TOGARAM1: variants seen among roughly 807,000 people sequenced by gnomAD.
TOGARAM1 encodes TOG array regulator of axonemal microtubules 1.
A neutral mutation model predicts 166.6 loss-of-function variants in TOGARAM1; 100 were observed. That is an observed-to-expected ratio of 0.60 (90% confidence interval 0.51 to 0.71). The LOEUF (loss-of-function observed/expected upper bound fraction) is 0.71. Ranked by LOEUF, TOGARAM1 falls within the 30% of genes least tolerant of loss-of-function variation. TOGARAM1 has a pLI of 0.00. For synonymous variants in TOGARAM1, 758 were observed against 763.8 expected, an observed-to-expected ratio of 0.99 and a Z score of 0.13; for missense variants, 2,029 against 2,102.7, an observed-to-expected ratio of 0.96 and a Z score of 0.69.
At chr14:45,045,541 GTGTATATATA>G (rs72363108) in intron 13 of TOGARAM1, among the ~76,000 whole-genome samples, 7,650 of 50,062 alleles carry the variant, frequency 0.15, 1,047 homozygotes, top group East Asian at 0.25. Context: ...TGGTCTGTGT[GTGTATATATA>G]TATATATATA....
At chr14:44,967,558 A>G (rs912461370) in intron 1 of TOGARAM1, among the ~76,000 whole-genome samples, 1 of 152,212 alleles carries the variant, frequency 6.6e-6, no homozygotes, top group Non-Finnish European at 1.5e-5. Context: ...GGAGCTTGCT[A>G]AGTGTGGATA....
intron 12 of TOGARAM1, 55 bp downstream of exon 12, chr14:45,043,846 T>TA: frequency 9.8e-7 from 1 of 1,018,060 alleles, no homozygotes; most frequent in Non-Finnish European, 1.5e-6. Flanking sequence ...AGGATAAATA[T>TA]GCTATGTTTA....
At chr14:45,030,877 T>C (rs143082021) in intron 10 of TOGARAM1, among the ~76,000 whole-genome samples, 2,934 of 152,310 alleles carry the variant, frequency 0.019, 32 homozygotes, top group African/African-American at 0.039. Flanking sequence ...TCTTAGTCTC[T>C]GTAAAATGCA....
intron 1 of TOGARAM1, 107 bp downstream of exon 1, chr14:44,964,574 G>C (rs1885409158): frequency 1.6e-6 from 2 of 1,269,884 alleles, no homozygotes; most frequent in Non-Finnish European, 2.1e-6. Flanking sequence ...GTTATGCTTT[G>C]TTTTAAATTG....
chr14:45,015,478 A>G (rs1346110704), intron 7 of TOGARAM1, among the ~76,000 whole-genome samples: 2 of 151,690 alleles, frequency 1.3e-5, no homozygotes, highest in African/African-American at 2.4e-5. Context: ...TTATGGTTGT[A>G]ATAGCTGCAG....
intron 14 of TOGARAM1, among the ~76,000 whole-genome samples, chr14:45,051,814 C>A (rs577287629): frequency 6.6e-6 from 1 of 152,054 alleles, no homozygotes; most frequent in African/African-American, 2.4e-5. Flanking sequence ...CCTGCCTTGG[C>A]CTCCCAAAGT....
At position 45,073,696 on chromosome 14, in the gene TOGARAM1, A is replaced by G. The variant is rs767890201; in HGVS notation, c.*135A>G. The G allele has an allele frequency of 6.4e-5, 48 of 753,394 alleles. No individual in the cohort carries two copies. Among genetic ancestry groups the G allele is most frequent in the Non-Finnish European group, 9.1e-5 (43 of 473,502 alleles). 46.7% of individuals were successfully genotyped at this position (753,394 alleles called of 1,614,324 possible). A position where few individuals can be genotyped will look rare whatever the true frequency, so the allele number is the denominator to read the frequency against. ...CAATGGCTATTTTTATTTGCAGCCT[A>G]TGAGTACACATCTGTCCTATATCAA... On this transcript the variant is annotated 3_prime_UTR_variant, in exon 20 of 20. Coordinates refer to ENST00000361462, the MANE Select transcript of TOGARAM1 (RefSeq NM_001308120.2).
chr14:44,994,563 C>T (rs1887325084), intron 1 of TOGARAM1, among the ~76,000 whole-genome samples: 1 of 149,662 alleles, frequency 6.7e-6, no homozygotes, highest in South Asian at 2.1e-4. Context: ...GGACGACAGG[C>T]ACATGCCACC....
intron 1 of TOGARAM1, among the ~76,000 whole-genome samples, chr14:44,969,162 T>A (rs201170442): frequency 1.5e-5 from 2 of 134,598 alleles, no homozygotes; most frequent in African/African-American, 6.8e-5. Context: ...TTCTTTCTTT[T>A]CTTTCTTTTC....
chr14:44,978,835 A>T (rs1886362710), intron 1 of TOGARAM1, among the ~76,000 whole-genome samples: 1 of 151,806 alleles, frequency 6.6e-6, no homozygotes, highest in African/African-American at 2.4e-5. Context: ...AAAGAAGAAG[A>T]AGATCAAGAG....
chr14:45,023,174 T>C (rs752599523), intron 7 of TOGARAM1, among the ~76,000 whole-genome samples: 21 of 152,178 alleles, frequency 1.4e-4, no homozygotes, highest in Non-Finnish European at 2.8e-4. Flanking sequence ...TCCATCAGTA[T>C]ACAAGTTGAG....
chr14:45,011,213 G>A (rs1298818765), intron 6 of TOGARAM1, among the ~76,000 whole-genome samples: 1 of 152,192 alleles, frequency 6.6e-6, no homozygotes, highest in Non-Finnish European at 1.5e-5. Context: ...CTTACTCATT[G>A]CTGATCTCTT....
rs367642428 is a variant in TOGARAM1, at chr14:44,963,730, A to G, written c.1309A>G (p.Ile437Val). The part of the protein sequence containing the change: ...EQVQQFLGPV[I>V]AASVKVLADN... ...GGTACAGCAGTTCTTGGGACCAGTT[A>G]TAGCAGCTTCTGTCAAAGTGCTGGC... Residue 437 changes from isoleucine (I) to valine (V), a missense_variant, in exon 1 of 20, where the codon ATA becomes GTA. Around this residue, in one of 2 missense-constraint regions of TOGARAM1, gnomAD observed 1,453 missense variants for 1,432.2 expected, o/e 1.01. Coordinates refer to ENST00000361462, the MANE Select transcript of TOGARAM1 (RefSeq NM_001308120.2). The G allele has an allele frequency of 7.4e-6, 12 of 1,613,934 alleles. No individual in the cohort carries two copies. In the African/African-American group the frequency reaches 1.1e-4, roughly 14 times the overall value.
In TOGARAM1 at chr14:44,963,603, C is replaced by G. The variant is rs750156929; in HGVS notation, c.1182C>G (p.Gly394=). 7 of 1,613,400 alleles carry G rather than the reference C, an allele frequency of 4.3e-6. No individual in the cohort carries two copies. Among genetic ancestry groups the G allele is most frequent in the Non-Finnish European group, 5.1e-6 (6 of 1,179,864 alleles). Residue 394 remains glycine, a synonymous_variant, in exon 1 of 20, where the codon GGC becomes GGG. Coordinates refer to ENST00000361462, the MANE Select transcript of TOGARAM1 (RefSeq NM_001308120.2). The part of the protein sequence containing the change: ...PSSTPHSSLV[G]FISLLYNLLD... ...CTACTCCTCATTCTAGTCTTGTTGGCTTCATTAGTTTGCTATATAATTTGT... is the reference window on the plus strand; with the variant it reads ...CTACTCCTCATTCTAGTCTTGTTGGGTTCATTAGTTTGCTATATAATTTGT...
chr14:44,973,504 T>G (rs941596245), intron 1 of TOGARAM1, among the ~76,000 whole-genome samples: 2 of 151,846 alleles, frequency 1.3e-5, no homozygotes, highest in Admixed American at 1.3e-4. Context: ...TTTGAATGAT[T>G]TTCTGTTAGA....
intron 5 of TOGARAM1, chr14:45,006,598 AT>A (rs1879447911): frequency 6.2e-6 from 1 of 160,694 alleles, no homozygotes; most frequent in Non-Finnish European, 1.4e-5. Context: ...AGTTTGTCAT[AT>A]TTGTTTCCTA....
At chr14:44,993,214 G>C (rs1887239739) in intron 1 of TOGARAM1, among the ~76,000 whole-genome samples, 1 of 151,994 alleles carries the variant, frequency 6.6e-6, no homozygotes, top group South Asian at 2.1e-4. Flanking sequence ...CCTGAGATGG[G>C]GAAGGTCGGC....
chr14:45,052,645 T>A, intron 15 of TOGARAM1, 83 bp downstream of exon 15: 1 of 1,226,292 alleles, frequency 8.2e-7, no homozygotes, highest in Non-Finnish European at 1.1e-6. Flanking sequence ...GAATAATTAT[T>A]TATTTGATTA....
At chr14:44,968,493 C>T (rs1342341056) in intron 1 of TOGARAM1, among the ~76,000 whole-genome samples, 1 of 152,216 alleles carries the variant, frequency 6.6e-6, no homozygotes, top group East Asian at 1.9e-4. Flanking sequence ...CGTGATCTGC[C>T]CGCCTCGGCC....
Sources: allele counts gnomAD v4.1 joint callset (sites outside exome capture counted in the v4.1 genomes callset), GRCh38; gene constraint gnomAD v4.1.1; regional missense constraint gnomAD v4.1.1; transcripts MANE v1.5; gene names NCBI Gene and HGNC (gene_info 2026-07-23, HGNC 2026-07-21).